The following TTC28 variants were observed in gnomAD, a reference collection of about 807,000 sequenced individuals.
The protein encoded by TTC28 is tetratricopeptide repeat domain 28.
TTC28 carries 61 observed loss-of-function variants against 198.0 expected under a neutral mutation model. The ratio of observed to expected loss-of-function variants is 0.31; its 90% CI spans 0.25 to 0.38. The LOEUF (loss-of-function observed/expected upper bound fraction) is 0.38. Ranked by LOEUF, TTC28 falls within the 10% of genes least tolerant of loss-of-function variation. The pLI, the probability that TTC28 is intolerant of heterozygous loss-of-function variation, is 1.00. For missense variants in TTC28, 2,678 were observed against 3,164.0 expected, an observed-to-expected ratio of 0.85 and a Z score of 3.69; for synonymous variants, 1,171 against 1,297.8, an observed-to-expected ratio of 0.90 and a Z score of 2.10.
chr22:28,267,626 T>G (rs550075825), intron 5 of TTC28, among the ~76,000 whole-genome samples: 60 of 152,334 alleles, frequency 3.9e-4, no homozygotes, highest in African/African-American at 1.3e-3. Flanking sequence ...TATGCTAACA[T>G]GTATAAAATA....
At chr22:28,456,216 T>TA (rs1159046119) in intron 2 of TTC28, among the ~76,000 whole-genome samples, 2,293 of 145,798 alleles carry the variant, frequency 0.016, 97 homozygotes, top group Admixed American at 0.1. Context: ...ATTCCGCCAC[T>TA]AAAAAAAAAA....
intron 1 of TTC28, among the ~76,000 whole-genome samples, chr22:28,637,520 G>A (rs1033341998): frequency 3.3e-5 from 5 of 151,984 alleles, no homozygotes; most frequent in Admixed American, 2.6e-4. Context: ...AATACCTATA[G>A]CAGATACACA....
intron 1 of TTC28, among the ~76,000 whole-genome samples, chr22:28,645,208 G>GTAA (rs893944656): frequency 2.0e-5 from 3 of 151,724 alleles, no homozygotes; most frequent in African/African-American, 4.8e-5. Context: ...AAAAAAAATT[G>GTAA]TAATAATAAT....
At chr22:28,232,814 T>C (rs1321487172) in intron 5 of TTC28, 1 of 152,086 alleles carries the variant, frequency 6.6e-6, no homozygotes, top group East Asian at 1.9e-4. Flanking sequence ...TTTTTTCCAT[T>C]TTAGGGCTGG....
chr22:28,324,971 C>T (rs1038611619), intron 2 of TTC28, among the ~76,000 whole-genome samples: 1 of 152,128 alleles, frequency 6.6e-6, no homozygotes, highest in African/African-American at 2.4e-5. Flanking sequence ...GCTTTGGTAT[C>T]GGGATGATGC....
At position 28,101,292 on chromosome 22, in the gene TTC28, T is replaced by C. The variant is rs749455843; in HGVS notation, c.3308-12A>G. The C allele has an allele frequency of 1.3e-6, 2 of 1,543,892 alleles. No homozygotes were observed. Among genetic ancestry groups the C allele is most frequent in the East Asian group, 2.4e-5 (1 of 40,860 alleles). On this transcript the variant is annotated splice_polypyrimidine_tract_variant and intron_variant, in intron 8 of 22. Transcript: ENST00000397906. ...AGCTAACCTTAAACCTGAAACCAGA[T>C]AGAGAAATTTAAGGAAACATAGAAG...
At chr22:28,390,181 A>G (rs2046691651) in intron 2 of TTC28, among the ~76,000 whole-genome samples, 1 of 152,178 alleles carries the variant, frequency 6.6e-6, no homozygotes. Context: ...CCTGAGTTCT[A>G]ATTTGATTGC....
intron 2 of TTC28, among the ~76,000 whole-genome samples, chr22:28,482,771 A>T (rs369485015): frequency 6.6e-6 from 1 of 152,188 alleles, no homozygotes; most frequent in East Asian, 1.9e-4. Flanking sequence ...AATTCACATT[A>T]TGTCTCTATG....
chr22:28,616,608 T>G (rs562652531), intron 2 of TTC28, among the ~76,000 whole-genome samples: 1 of 152,136 alleles, frequency 6.6e-6, no homozygotes. Context: ...TCCAAGCACT[T>G]TGGGAGGCCA....
At chr22:27,989,764 G>T in intron 21 of TTC28, 114 bp downstream of exon 21, 1 of 1,358,240 alleles carries the variant, frequency 7.4e-7, no homozygotes, top group Non-Finnish European at 9.9e-7. Context: ...ACTGTTTTAA[G>T]ATAATATTTT....
intron 2 of TTC28, among the ~76,000 whole-genome samples, chr22:28,370,811 C>A (rs1349589205): frequency 8.5e-5 from 13 of 152,258 alleles, no homozygotes. Context: ...CACTACAAAT[C>A]CTTGCTTTTC....
At chr22:28,340,564 TAACAAA>T (rs1320331054) in intron 2 of TTC28, among the ~76,000 whole-genome samples, 2 of 152,252 alleles carry the variant, frequency 1.3e-5, no homozygotes, top group Non-Finnish European at 2.9e-5. Context: ...CTTCTCCTTT[TAACAAA>T]AACACATGTG....
chr22:28,456,456 C>T (rs1019458851), intron 2 of TTC28, among the ~76,000 whole-genome samples: 14 of 152,122 alleles, frequency 9.2e-5, no homozygotes, highest in South Asian at 4.1e-4. Context: ...CTAAAATATA[C>T]AAATATTATT....
rs1217643047 is a variant in TTC28, at chr22:28,567,475, C to CATATATATATATATATATATAT, written c.381+62076_381+62077insATATATATATATATATATATAT. On this transcript the variant is annotated intron_variant, in intron 2 of 22. Transcript: ENST00000397906. ...CACACACACCACACGCATATACATA[C>CATATATATATATATATATATAT]ATACATATATATATATATATATATA... Among the ~76,000 whole-genome samples the CATATATATATATATATATATAT allele has an allele frequency of 4.0e-3, 55 of 13,754 alleles. 1 individual carries two copies. The highest frequency in any genetic ancestry group is 5.1e-3 in the Non-Finnish European group (43 of 8,460). The allele number at this position is 13,754 out of a possible 152,430, so 9.0% of individuals were successfully genotyped here.
chr22:28,319,312 G>T (rs1184524148), intron 2 of TTC28, among the ~76,000 whole-genome samples: 3 of 152,134 alleles, frequency 2.0e-5, no homozygotes, highest in Non-Finnish European at 4.4e-5. Context: ...ACTGACAAAG[G>T]TATTAGTTGT....
intron 6 of TTC28, among the ~76,000 whole-genome samples, chr22:28,154,122 C>T (rs181933237): frequency 6.9e-4 from 105 of 152,276 alleles, no homozygotes; most frequent in Middle Eastern, 3.4e-3. Flanking sequence ...CCTGGTTTCC[C>T]AGTAAATAAG....
intron 5 of TTC28, among the ~76,000 whole-genome samples, chr22:28,226,513 G>A (rs532383366): frequency 6.6e-6 from 1 of 151,798 alleles, no homozygotes; most frequent in African/African-American, 2.4e-5. Context: ...TGCAACTTCT[G>A]CCTCCCAGGT....
chr22:28,339,603 C>T (rs1340985934), intron 2 of TTC28, among the ~76,000 whole-genome samples: 1 of 152,204 alleles, frequency 6.6e-6, no homozygotes, highest in Non-Finnish European at 1.5e-5. Flanking sequence ...GGCGCCCCTC[C>T]CCTAGCCTCG....
chr22:28,528,695 C>T (rs2049062523), intron 2 of TTC28, among the ~76,000 whole-genome samples: 1 of 143,432 alleles, frequency 7.0e-6, no homozygotes, highest in African/African-American at 2.6e-5. Context: ...GAGATCACAC[C>T]ACTGCATTCC....
Sources: gnomAD v4.1 joint callset for allele counts (sites outside exome capture counted in the v4.1 genomes callset) on GRCh38, gnomAD v4.1.1 for gene constraint, MANE v1.5 for transcripts, NCBI Gene and HGNC (gene_info 2026-07-23, HGNC 2026-07-21) for gene names.